Variants in CNOT2 observed in about 807,000 individuals in gnomAD.
The protein encoded by CNOT2 is CC chemokine receptor 4-negative regulator of transcription 2.
CNOT2 carries 7 observed loss-of-function variants against 72.1 expected under a neutral mutation model. The observed-to-expected ratio is 0.10, with a 90% CI of 0.06 to 0.18. The LOEUF is 0.18. Among genes scored for constraint, CNOT2 ranks in the 10% least tolerant of loss-of-function variants. The pLI is 1.00. For missense variants in CNOT2, 345 were observed against 660.3 expected, an observed-to-expected ratio of 0.52 and a Z score of 5.23; for synonymous variants, 196 against 225.6, an observed-to-expected ratio of 0.87 and a Z score of 1.17.
intron 15 of CNOT2, among the ~76,000 whole-genome samples, chr12:70,351,780 G>A (rs1352056679): frequency 2.6e-5 from 4 of 152,060 alleles, no homozygotes; most frequent in African/African-American, 7.2e-5. Flanking sequence ...TTTTCTTCAC[G>A]AATTCAGATA....
At chr12:70,259,121 G>A (rs185063903) in intron 1 of CNOT2, among the ~76,000 whole-genome samples, 1 of 152,226 alleles carries the variant, frequency 6.6e-6, no homozygotes, top group African/African-American at 2.4e-5. Context: ...CATATAACTG[G>A]TAATTAACTT....
chr12:70,272,795 C>G (rs1868281738), intron 1 of CNOT2, among the ~76,000 whole-genome samples: 2 of 152,146 alleles, frequency 1.3e-5, no homozygotes, highest in African/African-American at 2.4e-5. Flanking sequence ...CTCCTCAGAC[C>G]TGTAACACTT....
At position 70,329,552 on chromosome 12, in the gene CNOT2, C is replaced by T. The variant is rs750913052; in HGVS notation, c.368C>T (p.Thr123Met). ...GGGGTACCAACAATGTCACTTCACA[C>T]GCCTCCATCTCCAAGCAGGTATTTA... ...TTGVPTMSLH[T>M]PPSPSRGILP... Residue 123 changes from threonine to methionine, a missense_variant, in exon 5 of 16, where the codon ACG (threonine) becomes ATG (methionine). Thr to Met is a moderately conservative substitution (Grantham distance 81). Coordinates refer to ENST00000229195, the MANE Select transcript of CNOT2 (RefSeq NM_014515.7). The T allele has an allele frequency of 2.4e-5, 38 of 1,609,720 alleles. No homozygotes were observed. The highest frequency in any genetic ancestry group is 2.3e-5 in the Non-Finnish European group (27 of 1,176,616).
chr12:70,272,058 C>T (rs1359460676), intron 1 of CNOT2, among the ~76,000 whole-genome samples: 4 of 152,216 alleles, frequency 2.6e-5, no homozygotes, highest in South Asian at 4.1e-4. Flanking sequence ...ATTAACCTTC[C>T]GGTTGCTGGT....
At chr12:70,252,018 T>C (rs1268266962) in intron 1 of CNOT2, among the ~76,000 whole-genome samples, 1 of 152,216 alleles carries the variant, frequency 6.6e-6, no homozygotes, top group East Asian at 1.9e-4. Flanking sequence ...TATTTTACAA[T>C]GCTATGATAT....
chr12:70,302,343 G>T (rs1874189160), intron 2 of CNOT2, among the ~76,000 whole-genome samples: 1 of 150,488 alleles, frequency 6.6e-6, no homozygotes. Flanking sequence ...GCTTTCTCTT[G>T]TGGGCATTTA....
chr12:70,278,201 G>A lies in CNOT2; in HGVS notation c.-26G>A, dbSNP rs753647248. 2.1e-6 allele frequency: 3 copies of A among 1,439,606 alleles called. No individual in the cohort carries two copies. Among genetic ancestry groups the A allele is most frequent in the Non-Finnish European group, 2.8e-6 (3 of 1,055,644 alleles). The allele number at this position is 1,439,606 out of a possible 1,614,324, so 89.2% of individuals were successfully genotyped here. A position where few individuals can be genotyped will look rare whatever the true frequency, so the allele number is the denominator to read the frequency against. ...TGACAGTTCTATTTGATTGCCTCCG[G>A]TACTGTGAGGAAAGGACACGACTCT... On this transcript the variant is annotated 5_prime_UTR_variant, in exon 2 of 16. Transcript: ENST00000229195.
chr12:70,302,025 C>A (rs560174195), intron 2 of CNOT2, among the ~76,000 whole-genome samples: 63 of 152,274 alleles, frequency 4.1e-4, no homozygotes, highest in African/African-American at 1.5e-3. Context: ...TTATAGTATT[C>A]TCTGATGGTG....
chr12:70,258,810 T>C (rs1958586840), intron 1 of CNOT2, among the ~76,000 whole-genome samples: 1 of 152,166 alleles, frequency 6.6e-6, no homozygotes, highest in Non-Finnish European at 1.5e-5. Context: ...CTGTGCTTGT[T>C]CAGGAGAAAG....
intron 6 of CNOT2, chr12:70,331,141 C>T (rs1879874126): frequency 6.7e-6 from 1 of 149,210 alleles, no homozygotes; most frequent in Non-Finnish European, 1.5e-5. Context: ...GCTTGATTGC[C>T]TACATGTATA....
At chr12:70,268,066 TC>T (rs1446124318) in intron 1 of CNOT2, among the ~76,000 whole-genome samples, 1 of 152,246 alleles carries the variant, frequency 6.6e-6, no homozygotes, top group East Asian at 1.9e-4. Context: ...TCCATTTTTT[TC>T]CCATTCATTC....
chr12:70,282,683 A>T (rs1234857568), intron 2 of CNOT2, among the ~76,000 whole-genome samples: 2 of 152,122 alleles, frequency 1.3e-5, no homozygotes, highest in African/African-American at 4.8e-5. Flanking sequence ...TCCGTTTCCC[A>T]TTCTTTCCTC....
intron 2 of CNOT2, among the ~76,000 whole-genome samples, chr12:70,304,559 G>C (rs1444091264): frequency 1.3e-5 from 2 of 152,216 alleles, no homozygotes; most frequent in Non-Finnish European, 2.9e-5. Context: ...TCATTCCTCT[G>C]GAAGTTTTGT....
chr12:70,248,746 A>G (rs1395327895), intron 1 of CNOT2, among the ~76,000 whole-genome samples: 2 of 152,090 alleles, frequency 1.3e-5, no homozygotes, highest in Admixed American at 1.3e-4. Flanking sequence ...TTGCCTGTAT[A>G]TGTTCCAGAG....
chr12:70,301,897 G>T (rs928368178), intron 2 of CNOT2: 8 of 152,100 alleles, frequency 5.3e-5, no homozygotes, highest in Admixed American at 2.6e-4. Context: ...CCATTTCAGA[G>T]CCTGTTATTG....
intron 9 of CNOT2, 84 bp downstream of exon 9, chr12:70,337,597 T>C: frequency 7.6e-7 from 1 of 1,321,308 alleles, no homozygotes. Flanking sequence ...TACTAAATAC[T>C]ATTACAAAAC....
intron 1 of CNOT2, among the ~76,000 whole-genome samples, chr12:70,244,985 A>C (rs934227326): frequency 6.6e-6 from 1 of 152,212 alleles, no homozygotes; most frequent in Admixed American, 6.5e-5. Flanking sequence ...ATCCATTTAC[A>C]TGCAAGGTTG....
intron 2 of CNOT2, among the ~76,000 whole-genome samples, chr12:70,303,517 T>G (rs919342102): frequency 6.6e-6 from 1 of 152,234 alleles, no homozygotes; most frequent in Admixed American, 6.5e-5. Flanking sequence ...TTGAAAATTC[T>G]TTTCTTTAAG....
chr12:70,346,499 G>T (rs1882194065), intron 15 of CNOT2, 175 bp downstream of exon 15: 3 of 455,356 alleles, frequency 6.6e-6, no homozygotes, highest in Admixed American at 8.0e-5. Context: ...CAAAACAATT[G>T]GTTTCACTGA....
Sources: gnomAD v4.1 joint callset for allele counts (sites outside exome capture counted in the v4.1 genomes callset) on GRCh38, gnomAD v4.1.1 for gene constraint, MANE v1.5 for transcripts, NCBI Gene and HGNC (gene_info 2026-07-23, HGNC 2026-07-21) for gene names.